PPEF1: variants seen among roughly 807,000 people sequenced by gnomAD.
PPEF1 encodes the protein serine/threonine-protein phosphatase with EF-hands 1.
In PPEF1, 12 loss-of-function variants were observed where a neutral mutation model predicts 53.3. The observed-to-expected ratio is 0.23, with a 90% CI of 0.14 to 0.36. The LOEUF is 0.36. Among genes scored for constraint, PPEF1 ranks in the 10% least tolerant of loss-of-function variants. PPEF1 has a pLI of 1.00. For synonymous variants in PPEF1, 165 were observed against 176.7 expected, an observed-to-expected ratio of 0.93 and a Z score of 0.52; for missense variants, 334 against 490.4, an observed-to-expected ratio of 0.68 and a Z score of 3.01.
intron 9 of PPEF1, among the ~76,000 whole-genome samples, chrX:18,786,307 A>G (rs1300607707): frequency 2.7e-5 from 3 of 111,908 alleles, no homozygotes; most frequent in Non-Finnish European, 5.6e-5. Context: ...TAACATAGTA[A>G]AGACTGTGAG....
At chrX:18,755,217 A>T (rs1602416579) in intron 4 of PPEF1, among the ~76,000 whole-genome samples, 1 of 111,671 alleles carries the variant, frequency 9.0e-6, no homozygotes, top group African/African-American at 3.2e-5. Flanking sequence ...GTATATTTTG[A>T]TTTTTTTAAT....
chrX:18,689,244 C>T (rs1292175395), intron 3 of PPEF1, among the ~76,000 whole-genome samples: 2 of 109,859 alleles, frequency 1.8e-5, no homozygotes, highest in Non-Finnish European at 3.8e-5. Flanking sequence ...TGGTGGCTCA[C>T]GCCTGTAATT....
At chrX:18,752,931 A>G (rs765506644) in intron 4 of PPEF1, among the ~76,000 whole-genome samples, 3 of 110,876 alleles carry the variant, frequency 2.7e-5, no homozygotes, top group African/African-American at 6.5e-5. Flanking sequence ...TTTTGCATCT[A>G]TTTCATAAGG....
At chrX:18,748,891 A>C (rs927753325) in intron 3 of PPEF1, among the ~76,000 whole-genome samples, 5 of 112,232 alleles carry the variant, frequency 4.5e-5, no homozygotes, top group Non-Finnish European at 9.4e-5. Context: ...AGGCCAGTAC[A>C]AGTCATGAGC....
upstream of PPEF1, among the ~76,000 whole-genome samples, chrX:18,704,637 C>G (rs1308810780): frequency 2.7e-5 from 3 of 111,734 alleles, no homozygotes; most frequent in Admixed American, 9.5e-5. Flanking sequence ...TAGATGGAGC[C>G]AAAGCATTTC....
At position 18,729,389 on chromosome X, in the gene PPEF1, G is replaced by A. The variant is rs139762626; in HGVS notation, c.47-792G>A. Among the ~76,000 whole-genome samples, 29 of 111,598 alleles carry A rather than the reference G, an allele frequency of 2.6e-4. No homozygotes were observed. The East Asian group carries it at 7.9e-3, about 30-fold the overall frequency. On this transcript the variant is annotated intron_variant, in intron 1 of 15. Coordinates refer to ENST00000470157, the MANE Select transcript of PPEF1 (RefSeq NM_001377996.1). ...CTCATTCACTCCCCTATAAATAACCGGTCCATTATGTGTTGTGTGCATCTT... is the reference window on the plus strand; with the variant it reads ...CTCATTCACTCCCCTATAAATAACCAGTCCATTATGTGTTGTGTGCATCTT...
intron 4 of PPEF1, among the ~76,000 whole-genome samples, chrX:18,753,432 T>C (rs138349518): frequency 0.013 from 1,439 of 112,021 alleles, 25 homozygotes; most frequent in African/African-American, 0.045. Flanking sequence ...TTTGTTGATC[T>C]TTTCAAAGAA....
intron 2 of PPEF1, among the ~76,000 whole-genome samples, chrX:18,730,858 GCACCCACCACCA>G (rs1174892846): frequency 9.1e-6 from 1 of 110,183 alleles, no homozygotes; most frequent in African/African-American, 3.3e-5. Flanking sequence ...AGGATTATAG[GCACCCACCACCA>G]CACCCAGCTA....
chrX:18,707,676 G>A lies in PPEF1; in HGVS notation c.-105G>A. ...CTCATTAGAATCTATGACTGAAGAGGATCGGCTAAGAGTGGTTCCTCGCAG... is the reference window on the plus strand; with the variant it reads ...CTCATTAGAATCTATGACTGAAGAGAATCGGCTAAGAGTGGTTCCTCGCAG... On this transcript the variant is annotated 5_prime_UTR_variant, in exon 1 of 16. Coordinates refer to ENST00000470157, the MANE Select transcript of PPEF1 (RefSeq NM_001377996.1). 1 of 689,400 alleles carries A rather than the reference G, an allele frequency of 1.5e-6. No homozygotes were observed. The highest frequency in any genetic ancestry group is 2.3e-6 in the Non-Finnish European group (1 of 443,294). 56.8% of individuals were successfully genotyped at this position (689,400 alleles called of 1,213,427 possible). A position where few individuals can be genotyped will look rare whatever the true frequency, so the allele number is the denominator to read the frequency against.
At chrX:18,782,265 C>T in intron 7 of PPEF1, 101 bp from the exon 8 acceptor site, 1 of 666,411 alleles carries the variant, frequency 1.5e-6, no homozygotes, top group Non-Finnish European at 2.3e-6. Context: ...TTCTTGAGTT[C>T]TTGTGATAGA....
intron 1 of PPEF1, among the ~76,000 whole-genome samples, chrX:18,724,790 G>T (rs566934745): frequency 9.0e-6 from 1 of 110,732 alleles, no homozygotes; most frequent in South Asian, 3.9e-4. Flanking sequence ...GGGTTATGGG[G>T]GCCAGCAACC....
rs58192421 is a variant in PPEF1 at position 18,809,091 on chromosome X, A to ATATCTATCTATC, written c.1394+2585_1394+2596dup. ...TATATATATATAGATATATCACATT[A>ATATCTATCTATC]TATCTATCTATCTATCTATCTATCT... is the stretch of plus-strand genomic sequence containing the variant. On this transcript the variant is annotated intron_variant, in intron 12 of 15. Transcript: ENST00000470157. Among the ~76,000 whole-genome samples, 405 of 96,791 alleles carry ATATCTATCTATC rather than the reference A, an allele frequency of 4.2e-3. 1 individual carries two copies. The highest frequency in any genetic ancestry group is 0.021 in the East Asian group (65 of 3,111). 84.1% of individuals were successfully genotyped at this position (96,791 alleles called of 115,157 possible).
intron 1 of PPEF1, among the ~76,000 whole-genome samples, chrX:18,710,791 A>T (rs780414650): frequency 1.8e-5 from 2 of 111,572 alleles, no homozygotes; most frequent in African/African-American, 6.5e-5. Context: ...AGAACTAAAA[A>T]TAGAGCTACC....
intron 5 of PPEF1, among the ~76,000 whole-genome samples, chrX:18,699,522 A>G (rs1929935316): frequency 9.0e-6 from 1 of 111,597 alleles, no homozygotes; most frequent in Non-Finnish European, 1.9e-5. Context: ...TCAGTATAAG[A>G]CTCTGTGAAC....
chrX:18,742,383 A>T (rs1000887358), intron 3 of PPEF1, among the ~76,000 whole-genome samples: 1 of 111,583 alleles, frequency 9.0e-6, no homozygotes, highest in African/African-American at 3.3e-5. Flanking sequence ...TTAGTGACTT[A>T]AAAACAACAG....
chrX:18,793,852 T>C (rs1432662467), intron 10 of PPEF1, among the ~76,000 whole-genome samples: 1 of 111,573 alleles, frequency 9.0e-6, no homozygotes, highest in Non-Finnish European at 1.9e-5. Context: ...ACTAGTTTAG[T>C]GAAGTCTATT....
intron 3 of PPEF1, among the ~76,000 whole-genome samples, chrX:18,736,633 G>A (rs1032182272): frequency 1.8e-5 from 2 of 111,789 alleles, no homozygotes; most frequent in African/African-American, 6.5e-5. Flanking sequence ...TCAGGATGGT[G>A]CTGGCCTCAT....
intron 15 of PPEF1, among the ~76,000 whole-genome samples, chrX:18,826,253 G>C (rs1327183026): frequency 1.8e-5 from 2 of 110,301 alleles, no homozygotes; most frequent in Non-Finnish European, 3.8e-5. Context: ...CAGAAGCCTA[G>C]GTAGCCATCA....
intron 1 of PPEF1, among the ~76,000 whole-genome samples, chrX:18,708,028 G>C: frequency 8.9e-6 from 1 of 112,327 alleles, no homozygotes; most frequent in East Asian, 2.8e-4. Flanking sequence ...TATTGTCTTA[G>C]AGATATTTTG....
Sources: allele counts gnomAD v4.1 joint callset (sites outside exome capture counted in the v4.1 genomes callset), GRCh38; gene constraint gnomAD v4.1.1; transcripts MANE v1.5; gene names NCBI Gene and HGNC (gene_info 2026-07-23, HGNC 2026-07-21).